EPHA6: variants seen among roughly 807,000 people sequenced by gnomAD.
EPHA6 encodes the protein EPH receptor A6, also known as ephrin type-A receptor 6.
EPHA6 carries 50 observed loss-of-function variants against 112.0 expected under a neutral mutation model. The observed-to-expected ratio is 0.45, with a 90% CI of 0.36 to 0.56. The LOEUF is 0.56. EPHA6 is among the 20% of genes least tolerant of loss of function. The pLI, the probability that EPHA6 is intolerant of heterozygous loss-of-function variation, is 0.00. For synonymous variants in EPHA6, 529 were observed against 490.7 expected, an observed-to-expected ratio of 1.08 and a Z score of -1.03; for missense variants, 1,280 against 1,417.4, an observed-to-expected ratio of 0.90 and a Z score of 1.56.
intron 14 of EPHA6, among the ~76,000 whole-genome samples, chr3:97,661,006 C>G (rs917301376): frequency 6.6e-6 from 1 of 152,096 alleles, no homozygotes; most frequent in African/African-American, 2.4e-5. Flanking sequence ...AAGTACACTT[C>G]AGTTACAGTA....
At chr3:97,340,782 C>A (rs2083266143) in intron 5 of EPHA6, among the ~76,000 whole-genome samples, 1 of 152,172 alleles carries the variant, frequency 6.6e-6, no homozygotes, top group Admixed American at 6.5e-5. Context: ...AGAGAGCTAG[C>A]CCTGGTGTTG....
chr3:97,206,783 G>T (rs2077723330), intron 3 of EPHA6, among the ~76,000 whole-genome samples: 1 of 151,958 alleles, frequency 6.6e-6, no homozygotes, highest in Non-Finnish European at 1.5e-5. Context: ...ATTAAATCCT[G>T]AATGAATAGT....
rs942495070 is a variant in EPHA6 at position 97,186,424 on chromosome 3, C to T, written c.1115-39840C>T. On this transcript the variant is annotated intron_variant, in intron 3 of 17. Transcript: ENST00000389672. ...ACTAATCTATTCCATGTACCAGTAT[C>T]CAAACTCTTGATCTTGTTGAGATAT... is the stretch of plus-strand genomic sequence containing the variant. Among the ~76,000 whole-genome samples the T allele has an allele frequency of 3.4e-4, 51 of 152,116 alleles. 1 individual carries two copies. The highest frequency in any genetic ancestry group is 1.5e-5 in the Non-Finnish European group (1 of 68,022).
chr3:97,613,370 C>T (rs1416646110), intron 13 of EPHA6, among the ~76,000 whole-genome samples: 2 of 152,142 alleles, frequency 1.3e-5, no homozygotes, highest in African/African-American at 2.4e-5. Flanking sequence ...GGGAGCCATC[C>T]GTGGCTCATA....
In EPHA6 at chr3:97,205,501, C is replaced by T. The variant is rs531398795; in HGVS notation, c.1115-20763C>T. ...TTTGAACTGCATGGCTCCACTCAGA[C>T]GTGAATTTTTTTCAACCAAACACAG... On this transcript the variant is annotated intron_variant, in intron 3 of 17. Coordinates refer to ENST00000389672, the MANE Select transcript of EPHA6 (RefSeq NM_001080448.3). 3.9e-5 allele frequency among the ~76,000 whole-genome samples: 6 copies of T among 152,050 alleles called. No individual in the cohort carries two copies. In the South Asian group the frequency reaches 6.2e-4, roughly 16 times the overall value.
chr3:96,988,809 ACTATAC>A (rs1440658002), intron 3 of EPHA6, among the ~76,000 whole-genome samples: 1 of 152,112 alleles, frequency 6.6e-6, no homozygotes, highest in Non-Finnish European at 1.5e-5. Flanking sequence ...TAAGTTTAGA[ACTATAC>A]CTTTCACATT....
intron 2 of EPHA6, among the ~76,000 whole-genome samples, chr3:96,960,257 C>A (rs1210545911): frequency 1.3e-5 from 2 of 152,010 alleles, no homozygotes; most frequent in Admixed American, 1.3e-4. Flanking sequence ...ATGATTTTTT[C>A]TTTATTGGAG....
intron 14 of EPHA6, among the ~76,000 whole-genome samples, chr3:97,697,247 G>A (rs1018238085): frequency 6.6e-6 from 1 of 152,138 alleles, no homozygotes; most frequent in African/African-American, 2.4e-5. Flanking sequence ...CAAAACCAGT[G>A]TATTAGTTTC....
intron 11 of EPHA6, among the ~76,000 whole-genome samples, chr3:97,547,270 T>G (rs917183753): frequency 6.6e-6 from 1 of 152,174 alleles, no homozygotes; most frequent in Non-Finnish European, 1.5e-5. Context: ...TGTTTTTTAG[T>G]TTTCCTTCTA....
At chr3:97,302,002 T>A (rs1208169232) in intron 5 of EPHA6, among the ~76,000 whole-genome samples, 1 of 152,072 alleles carries the variant, frequency 6.6e-6, no homozygotes, top group Non-Finnish European at 1.5e-5. Flanking sequence ...GTATGCGTAG[T>A]ACTCTTTTAC....
chr3:96,946,510 T>C (rs951266531), intron 2 of EPHA6, among the ~76,000 whole-genome samples: 1 of 152,332 alleles, frequency 6.6e-6, no homozygotes, highest in East Asian at 1.9e-4. Context: ...GAACTCATCC[T>C]TTTTTATGGC....
intron 4 of EPHA6, among the ~76,000 whole-genome samples, chr3:97,227,876 G>A (rs2078406681): frequency 6.6e-6 from 1 of 152,166 alleles, no homozygotes; most frequent in Admixed American, 6.5e-5. Flanking sequence ...GAACTACTCC[G>A]TGGTTGGTGG....
chr3:97,054,320 T>TATTCACAAACACCAGACTGCA (rs935882335), intron 3 of EPHA6, among the ~76,000 whole-genome samples: 1 of 152,118 alleles, frequency 6.6e-6, no homozygotes, highest in Non-Finnish European at 1.5e-5. Context: ...TTTGCTCTGG[T>TATTCACAAACACCAGACTGCA]ATTCACAAAC....
intron 2 of EPHA6, among the ~76,000 whole-genome samples, chr3:96,909,165 A>G (rs913030326): frequency 2.6e-5 from 4 of 151,972 alleles, no homozygotes; most frequent in Non-Finnish European, 4.4e-5. Flanking sequence ...AAGATTTTTT[A>G]AAGATGAGCT....
intron 11 of EPHA6, among the ~76,000 whole-genome samples, chr3:97,547,929 G>T (rs918325407): frequency 1.3e-5 from 2 of 152,168 alleles, no homozygotes; most frequent in Non-Finnish European, 2.9e-5. Context: ...CACAGTATTA[G>T]GGTGGGAGTG....
At chr3:97,625,073 T>C (rs1480255776) in intron 13 of EPHA6, among the ~76,000 whole-genome samples, 1 of 151,614 alleles carries the variant, frequency 6.6e-6, no homozygotes, top group East Asian at 1.9e-4. Flanking sequence ...ATTTATTTCC[T>C]TATTTTTGTT....
At chr3:97,551,673 C>T (rs2093030897) in intron 11 of EPHA6, among the ~76,000 whole-genome samples, 2 of 152,246 alleles carry the variant, frequency 1.3e-5, no homozygotes, top group South Asian at 4.1e-4. Flanking sequence ...ACCTCTGTGA[C>T]TTTGTCACTA....
rs567778686 is a variant in EPHA6 at position 97,155,989 on chromosome 3, C to A, written c.1115-70275C>A. Among the ~76,000 whole-genome samples the A allele has an allele frequency of 2.6e-5, 4 of 152,246 alleles. No individual in the cohort carries two copies. The East Asian group carries it at 5.8e-4, about 22-fold the overall frequency. ...GACTAGGCCAACCAAGATGGATAAT[C>A]CAGAATAATCTCCCTATATTAAGGT... On this transcript the variant is annotated intron_variant, in intron 3 of 17. Transcript: ENST00000389672.
intron 3 of EPHA6, among the ~76,000 whole-genome samples, chr3:97,128,954 T>C (rs1224594096): frequency 6.8e-6 from 1 of 146,932 alleles, no homozygotes; most frequent in African/African-American, 2.5e-5. Flanking sequence ...GCTCTCTGCA[T>C]CCCCTGCCTC....
Sources: allele counts gnomAD v4.1 joint callset (sites outside exome capture counted in the v4.1 genomes callset), GRCh38; gene constraint gnomAD v4.1.1; transcripts MANE v1.5; gene names NCBI Gene and HGNC (gene_info 2026-07-23, HGNC 2026-07-21).